Variants in ENPP6 observed in about 807,000 individuals in gnomAD.
ENPP6 encodes the protein glycerophosphocholine cholinephosphodiesterase ENPP6.
In ENPP6, 32 loss-of-function variants were observed where a neutral mutation model predicts 42.0. The observed-to-expected ratio is 0.76, with a 90% CI of 0.58 to 1.02. The LOEUF (loss-of-function observed/expected upper bound fraction) is 1.02. Ranked by LOEUF, ENPP6 falls within the 50% of genes least tolerant of loss-of-function variation. The probability of loss-of-function intolerance (pLI) is 0.00; values close to 1 mark genes in which losing one functional copy is unlikely to be tolerated. For synonymous variants in ENPP6, 213 were observed against 216.0 expected (o/e 0.99, Z 0.12); for missense variants, 552 against 566.8 (o/e 0.97, Z 0.27).
intron 1 of ENPP6, among the ~76,000 whole-genome samples, chr4:184,174,971 C>T (rs1410863369): frequency 6.6e-6 from 1 of 152,234 alleles, no homozygotes; most frequent in African/African-American, 2.4e-5. Context: ...CTTCTATTTA[C>T]TGACTGGAAA....
At chr4:184,117,219 G>C (rs113032450) in intron 4 of ENPP6, among the ~76,000 whole-genome samples, 184 bp from the exon 5 acceptor site, 11 of 152,342 alleles carry the variant, frequency 7.2e-5, no homozygotes, top group African/African-American at 2.6e-4. Flanking sequence ...GGAGGGGACT[G>C]TGAGGCTCAG....
Position 184,184,204 on chromosome 4 carries a change from C to T in ENPP6, c.242-30471G>A, listed in dbSNP as rs530376035. On this transcript the variant is annotated intron_variant, in intron 1 of 7. Transcript: ENST00000296741. The surrounding 1 kb of genome is among the most constrained non-coding windows in gnomAD (Gnocchi z 4.7). ...CAGTCACTGTGAGAGTCAGCAGAAA[C>T]GACAACCACAGATTTAGCACCAAGA... is the stretch of plus-strand genomic sequence containing the variant. Among the ~76,000 whole-genome samples the T allele has an allele frequency of 1.9e-4, 29 of 152,224 alleles. No individual in the cohort carries two copies. Among genetic ancestry groups the T allele is most frequent in the East Asian group, 3.9e-4 (2 of 5,188 alleles).
intron 1 of ENPP6, among the ~76,000 whole-genome samples, chr4:184,165,046 A>C (rs748113199): frequency 6.6e-6 from 1 of 152,170 alleles, no homozygotes; most frequent in African/African-American, 2.4e-5. Flanking sequence ...CAAGGACAGG[A>C]TGCATTCAGA....
chr4:184,159,907 G>A (rs762547128), intron 1 of ENPP6, among the ~76,000 whole-genome samples: 27 of 152,136 alleles, frequency 1.8e-4, no homozygotes, highest in Non-Finnish European at 2.9e-4. Flanking sequence ...GCGATATTTG[G>A]TTTTCCATTC....
rs925889457 is a variant in ENPP6, at chr4:184,208,424, T to C, written c.241+9155A>G. On this transcript the variant is annotated intron_variant, in intron 1 of 7. Transcript: ENST00000296741. ...AAGCGGGGCGAGGCATTGCCTCACT[T>C]GGGAAGCACAAGGGGTCAGGGAGTT... Among the ~76,000 whole-genome samples the C allele has an allele frequency of 4.6e-5, 7 of 152,258 alleles. No individual in the cohort carries two copies. The South Asian group carries it at 1.2e-3, about 27-fold the overall frequency.
chr4:184,209,866 C>T (rs1250128775), intron 1 of ENPP6, among the ~76,000 whole-genome samples: 1 of 140,480 alleles, frequency 7.1e-6, no homozygotes, highest in African/African-American at 2.9e-5. Flanking sequence ...AAGGGAAGCC[C>T]ATCAGACTAA....
At chr4:184,165,559 C>T (rs150695985) in intron 1 of ENPP6, among the ~76,000 whole-genome samples, 97 of 152,358 alleles carry the variant, frequency 6.4e-4, no homozygotes, top group African/African-American at 2.3e-3. Context: ...CACATGGAGA[C>T]GCACAGATCT....
At chr4:184,193,992 T>G (rs1464705708) in intron 1 of ENPP6, among the ~76,000 whole-genome samples, 3 of 152,194 alleles carry the variant, frequency 2.0e-5, no homozygotes, top group South Asian at 4.1e-4. Flanking sequence ...CTAATGCTAT[T>G]TTTGGCCTCT....
chr4:184,208,368 G>T (rs944876831), intron 1 of ENPP6, among the ~76,000 whole-genome samples: 2 of 152,204 alleles, frequency 1.3e-5, no homozygotes, highest in Non-Finnish European at 2.9e-5. Context: ...GTGGGCGCAG[G>T]TCAGTGGGTG....
chr4:184,117,434 C>T (rs746167339), intron 4 of ENPP6, among the ~76,000 whole-genome samples: 3 of 152,186 alleles, frequency 2.0e-5, no homozygotes, highest in African/African-American at 4.8e-5. Flanking sequence ...TCAGCAAAAG[C>T]GTAAGGTAGA....
chr4:184,124,412 T>TA, intron 2 of ENPP6, 140 bp from the exon 3 acceptor site: 10 of 612,550 alleles, frequency 1.6e-5, no homozygotes, highest in Non-Finnish European at 2.8e-5. Flanking sequence ...AATAACTTAT[T>TA]GCTAATAAGT....
At chr4:184,170,732 C>T (rs11722344) in intron 1 of ENPP6, among the ~76,000 whole-genome samples, 106,128 of 152,134 alleles carry the variant, frequency 0.7, 40,085 homozygotes, top group East Asian at 0.91. Context: ...CAAGAATCCA[C>T]TGCACGTGGT....
intron 1 of ENPP6, among the ~76,000 whole-genome samples, chr4:184,187,342 C>T (rs979301454): frequency 6.6e-6 from 1 of 152,208 alleles, no homozygotes; most frequent in Non-Finnish European, 1.5e-5. Flanking sequence ...GGAGCAGCAG[C>T]TGGGACCATT....
chr4:184,130,094 C>A (rs1015082968), intron 2 of ENPP6, among the ~76,000 whole-genome samples: 1 of 152,180 alleles, frequency 6.6e-6, no homozygotes, highest in Non-Finnish European at 1.5e-5. Context: ...GGGTGGGAAG[C>A]TTTGCTTCCT....
chr4:184,152,925 C>CTA (rs1299042923), intron 2 of ENPP6, among the ~76,000 whole-genome samples: 1 of 104,234 alleles, frequency 9.6e-6, no homozygotes, highest in African/African-American at 4.0e-5. Flanking sequence ...AAATGGTACA[C>CTA]TGTTTTTTTT....
chr4:184,209,159 A>C (rs1158710726), intron 1 of ENPP6, among the ~76,000 whole-genome samples: 1 of 151,588 alleles, frequency 6.6e-6, no homozygotes, highest in Non-Finnish European at 1.5e-5. Flanking sequence ...AAAAACTGGA[A>C]ACTCTAAAAA....
intron 6 of ENPP6, among the ~76,000 whole-genome samples, chr4:184,100,761 C>A (rs531050639): frequency 6.6e-6 from 1 of 152,078 alleles, no homozygotes; most frequent in East Asian, 1.9e-4. Flanking sequence ...GAGTCCCAGG[C>A]GATGGTGGAA....
intron 2 of ENPP6, among the ~76,000 whole-genome samples, chr4:184,128,276 G>A (rs750687209): frequency 6.6e-6 from 1 of 152,188 alleles, no homozygotes. Flanking sequence ...CACCTCCCGG[G>A]TTCAAGCAAT....
At chr4:184,209,488 A>G (rs1733074019) in intron 1 of ENPP6, among the ~76,000 whole-genome samples, 4 of 152,056 alleles carry the variant, frequency 2.6e-5, no homozygotes, top group South Asian at 4.1e-4. Context: ...GGGTATCAGC[A>G]ATGGAAGATG....
Sources: allele counts gnomAD v4.1 joint callset (sites outside exome capture counted in the v4.1 genomes callset), GRCh38; gene constraint gnomAD v4.1.1; non-coding constraint Gnocchi (gnomAD v3.1); transcripts MANE v1.5; gene names NCBI Gene and HGNC (gene_info 2026-07-23, HGNC 2026-07-21).